The following TSHZ3 variants were observed in gnomAD, a reference collection of about 807,000 sequenced individuals.
TSHZ3 encodes the protein teashirt zinc finger homeobox 3.
A neutral mutation model predicts 64.5 loss-of-function variants in TSHZ3; 10 were observed. That is an observed-to-expected ratio of 0.16 (90% CI 0.10 to 0.26). TSHZ3 has a LOEUF of 0.26. Ranked by LOEUF, TSHZ3 falls within the 10% of genes least tolerant of loss-of-function variation. The pLI, the probability that TSHZ3 is intolerant of heterozygous loss-of-function variation, is 1.00. For synonymous variants in TSHZ3, 608 were observed against 593.1 expected (o/e 1.03, Z -0.36); for missense variants, 1,242 against 1,421.7 (o/e 0.87, Z 2.03).
chr19:31,251,848 G>A (rs542711184), intron 1 of TSHZ3, among the ~76,000 whole-genome samples: 95 of 152,328 alleles, frequency 6.2e-4, no homozygotes, highest in African/African-American at 1.7e-3. Context: ...GAACACTCAC[G>A]CCAGCATCCT....
chr19:31,160,530 C>G (rs147983168), intron 5 of TSHZ3, among the ~76,000 whole-genome samples: 7 of 152,200 alleles, frequency 4.6e-5, no homozygotes, highest in African/African-American at 1.4e-4. Flanking sequence ...TTAAGCTCCA[C>G]GTGTGACTAA....
At chr19:31,219,959 T>TTTGGAAAG (rs1174138450) in intron 4 of TSHZ3, among the ~76,000 whole-genome samples, 1 of 150,410 alleles carries the variant, frequency 6.6e-6, no homozygotes, top group Non-Finnish European at 1.5e-5. Flanking sequence ...ATCAATTGAT[T>TTTGGAAAG]ATTTGATCAA....
intron 5 of TSHZ3, among the ~76,000 whole-genome samples, chr19:31,189,218 A>G (rs1190024037): frequency 1.3e-5 from 2 of 151,904 alleles, no homozygotes; most frequent in African/African-American, 2.4e-5. Context: ...AAAGCAAACA[A>G]CTTCTTGTTT....
intron 1 of TSHZ3, among the ~76,000 whole-genome samples, chr19:31,252,347 T>A (rs1834860565): frequency 6.6e-6 from 1 of 152,106 alleles, no homozygotes; most frequent in African/African-American, 2.4e-5. Context: ...GTGTGTCTCT[T>A]GTAAGGACAC....
At chr19:31,182,394 G>C (rs905088575) in intron 5 of TSHZ3, among the ~76,000 whole-genome samples, 2 of 152,186 alleles carry the variant, frequency 1.3e-5, no homozygotes, top group Non-Finnish European at 2.9e-5. Flanking sequence ...CCCAGCTGAA[G>C]TCTGCCTAGG....
rs749809308 is a variant in TSHZ3 at position 31,277,718 on chromosome 19, T to C, written c.2075A>G (p.Lys692Arg). The change falls in exon 2 of 2, where the codon AAG (lysine) becomes AGG (arginine). Residue 692 changes from lysine to arginine, a missense_variant. This residue lies in a region of TSHZ3 where 550 missense variants were observed against 545.1 expected (regional missense o/e 1.01). Transcript: ENST00000240587. The surrounding 1 kb of genome is among the most constrained non-coding windows in gnomAD (Gnocchi z 4.5). ...GCTGGCTAGGGGCTTCACCAGCTCC[T>C]TGCCATTCTCCACCGGCTCAGCGAG... Reference protein sequence around the residue: ...SPLAEPVENGKELVKPLASSL... With the variant: ...SPLAEPVENGRELVKPLASSL... The C allele has an allele frequency of 5.9e-6, 9 of 1,523,342 alleles. No individual in the cohort carries two copies. In the East Asian group the frequency reaches 9.1e-5, roughly 15 times the overall value. 94.4% of individuals were successfully genotyped at this position (1,523,342 alleles called of 1,614,324 possible).
At chr19:31,280,739 C>A (rs998619400) in intron 1 of TSHZ3, among the ~76,000 whole-genome samples, 3 of 152,250 alleles carry the variant, frequency 2.0e-5, no homozygotes, top group Non-Finnish European at 4.4e-5. Context: ...GATGTAAATC[C>A]AGCATGCATT....
chr19:31,211,070 T>C (rs900063631), intron 4 of TSHZ3, among the ~76,000 whole-genome samples: 1 of 152,248 alleles, frequency 6.6e-6, no homozygotes, highest in African/African-American at 2.4e-5. Context: ...TTATGGACAC[T>C]ATAATGAAAG....
intron 1 of TSHZ3, among the ~76,000 whole-genome samples, chr19:31,259,872 C>G (rs1975962818): frequency 6.6e-6 from 1 of 152,120 alleles, no homozygotes; most frequent in African/African-American, 2.4e-5. Flanking sequence ...GTCTCAGTCA[C>G]TAGGAAAATC....
rs143355345 is a variant in TSHZ3, at chr19:31,306,522, C to A, written c.41-26770G>T. On this transcript the variant is annotated intron_variant, in intron 1 of 1. Coordinates refer to ENST00000240587, the MANE Select transcript of TSHZ3 (RefSeq NM_020856.4). The stretch of plus-strand genomic sequence containing the variant: ...TTTATCTTGAGAGGGCACACGTGCA[C>A]GTGCGTGGGTGCGCATGTGCACTCA... Among the ~76,000 whole-genome samples, 16 of 152,250 alleles carry A rather than the reference C, an allele frequency of 1.1e-4. No homozygotes were observed. The East Asian group carries it at 2.9e-3, about 28-fold the overall frequency.
chr19:31,261,203 G>T (rs1324774002), intron 1 of TSHZ3, among the ~76,000 whole-genome samples: 1 of 152,184 alleles, frequency 6.6e-6, no homozygotes, highest in Non-Finnish European at 1.5e-5. Flanking sequence ...AAGAAGCCAA[G>T]AACTGCAGGC....
At chr19:31,268,812 T>G (rs1179994252) in intron 1 of TSHZ3, among the ~76,000 whole-genome samples, 1 of 152,184 alleles carries the variant, frequency 6.6e-6, no homozygotes, top group African/African-American at 2.4e-5. Context: ...GCTAGAGAGA[T>G]GAGCTCTGAG....
chr19:31,279,394 G>A lies in TSHZ3; in HGVS notation c.399C>T (p.Asn133=). The change falls in exon 2 of 2, where the codon AAC becomes AAT. Residue 133 remains asparagine (N), a synonymous_variant. Transcript: ENST00000240587. This position sits in a 1 kb window ranked among gnomAD's most constrained non-coding sequence, Gnocchi z 6.4. ...NNFLSNSYWS[N]LNLNLHQPSS... ...AGGGCTGGTGCAGGTTGAGGTTGAG[G>A]TTGGACCAGTAGGAGTTGGAGAGGA... The A allele has an allele frequency of 6.2e-7, 1 of 1,614,216 alleles. No homozygotes were observed. Among genetic ancestry groups the A allele is most frequent in the Non-Finnish European group, 8.5e-7 (1 of 1,180,044 alleles).
At position 31,276,740 on chromosome 19, in the gene TSHZ3, A is replaced by C. The variant is rs1976241586; in HGVS notation, c.3053T>G (p.Ile1018Arg). ...KLSTEQINSQ[I>R]AQTKSPSEKM... The stretch of plus-strand genomic sequence containing the variant: ...TTCTGACGGTGACTTGGTTTGTGCT[A>C]TCTGACTGTTAATCTGTTCGGTGGA... Residue 1018 changes from isoleucine to arginine, a missense_variant, in exon 2 of 2, where the codon ATA becomes AGA. Physicochemically the swap from Ile to Arg is moderately conservative, Grantham distance 97. Around this residue, in one of 4 missense-constraint regions of TSHZ3, gnomAD observed 126 missense variants for 140.6 expected, o/e 0.90. Transcript: ENST00000240587. 1.2e-6 allele frequency: 2 copies of C among 1,613,600 alleles called. No individual in the cohort carries two copies. The highest frequency in any genetic ancestry group is 4.5e-5 in the East Asian group (2 of 44,876).
chr19:31,166,352 G>A (rs1044389084), intron 5 of TSHZ3, among the ~76,000 whole-genome samples: 30 of 152,244 alleles, frequency 2.0e-4, no homozygotes, highest in African/African-American at 7.2e-4. Context: ...AGCAGACCCA[G>A]TGTGGTTTTG....
chr19:31,302,024 C>T (rs1259365976), intron 1 of TSHZ3, among the ~76,000 whole-genome samples: 1 of 152,116 alleles, frequency 6.6e-6, no homozygotes. Flanking sequence ...AGATCCCAGC[C>T]CAGTCAGCAC....
intron 5 of TSHZ3, among the ~76,000 whole-genome samples, chr19:31,198,732 A>T (rs551867355): frequency 1.3e-5 from 2 of 152,306 alleles, no homozygotes; most frequent in South Asian, 2.1e-4. Context: ...CAAAATATGT[A>T]CAAAATCTAT....
chr19:31,308,521 C>G, intron 1 of TSHZ3: 1 of 395,352 alleles, frequency 2.5e-6, no homozygotes, highest in Non-Finnish European at 4.5e-6. Context: ...TGGACCACCA[C>G]TAAGGGCTCC....
chr19:31,265,026 C>T (rs1976031208), intron 1 of TSHZ3, among the ~76,000 whole-genome samples: 1 of 152,046 alleles, frequency 6.6e-6, no homozygotes, highest in South Asian at 2.1e-4. Context: ...GCATGGCCCA[C>T]CCTGTACACT....
Sources: allele counts gnomAD v4.1 joint callset (sites outside exome capture counted in the v4.1 genomes callset), GRCh38; gene constraint gnomAD v4.1.1; regional missense constraint gnomAD v4.1.1; non-coding constraint Gnocchi (gnomAD v3.1); transcripts MANE v1.5; gene names NCBI Gene and HGNC (gene_info 2026-07-23, HGNC 2026-07-21).